The following TATDN2 variants were observed in gnomAD, a reference collection of about 807,000 sequenced individuals.
The protein encoded by TATDN2 is 3'-5' RNA nuclease TATDN2.
A neutral mutation model predicts 60.3 loss-of-function variants in TATDN2; 44 were observed. The observed-to-expected ratio is 0.73, with a 90% CI of 0.57 to 0.94. The LOEUF is 0.94. Ranked by LOEUF, TATDN2 falls within the 40% of genes least tolerant of loss-of-function variation. The pLI, the probability that TATDN2 is intolerant of heterozygous loss-of-function variation, is 0.00. For synonymous variants in TATDN2, 399 were observed against 355.8 expected (o/e 1.12, Z -1.37); for missense variants, 997 against 948.0 (o/e 1.05, Z -0.68).
intron 3 of TATDN2, among the ~76,000 whole-genome samples, chr3:10,266,839 A>T (rs78426822): frequency 0.15 from 23,430 of 152,048 alleles, 2,486 homozygotes; most frequent in East Asian, 0.54. Flanking sequence ...CTGAATTCAT[A>T]CGTGATTACT....
rs1021665733 is a variant in TATDN2, at chr3:10,249,370, C to G, written c.170C>G (p.Ala57Gly). 6.2e-7 allele frequency: 1 copy of G among 1,613,052 alleles called. No individual in the cohort carries two copies. Among genetic ancestry groups the G allele is most frequent in the South Asian group, 1.1e-5 (1 of 90,936 alleles). The change falls in exon 2 of 8, where the codon GCC (alanine) becomes GGC (glycine). Residue 57 changes from alanine to glycine, a missense_variant. Physicochemically the swap from Ala to Gly is moderately conservative, Grantham distance 60 (BLOSUM62 0). Transcript: ENST00000448281. ...GGPSSPKRLK[A>G]QKEDDVACSR... ...CCCAGCAGCCCCAAGCGCCTGAAAG[C>G]CCAGAAGGAGGACGATGTGGCTTGC...
At chr3:10,264,060 C>T (rs1451140085) in intron 3 of TATDN2, among the ~76,000 whole-genome samples, 2 of 152,098 alleles carry the variant, frequency 1.3e-5, no homozygotes, top group South Asian at 2.1e-4. Context: ...GTACCAGTGC[C>T]CTCCACTGAG....
At chr3:10,255,121 T>G (rs1482243712) in intron 2 of TATDN2, among the ~76,000 whole-genome samples, 3 of 148,938 alleles carry the variant, frequency 2.0e-5, no homozygotes, top group Admixed American at 6.7e-5. Context: ...GTGATCTTCC[T>G]GCCTCAGCCT....
At chr3:10,249,111 C>A in intron 1 of TATDN2, 44 bp downstream of exon 1, 1 of 1,463,004 alleles carries the variant, frequency 6.8e-7, no homozygotes, top group Non-Finnish European at 9.0e-7. Flanking sequence ...GTCTTGCCGT[C>A]CTCCTGGGCC....
intron 2 of TATDN2, among the ~76,000 whole-genome samples, chr3:10,256,318 T>A (rs1698307709): frequency 6.6e-6 from 1 of 151,986 alleles, no homozygotes; most frequent in Admixed American, 6.6e-5. Flanking sequence ...GGACTACAGG[T>A]GTGGGTCACT....
intron 3 of TATDN2, among the ~76,000 whole-genome samples, chr3:10,269,165 C>G (rs1224674314): frequency 6.6e-6 from 1 of 152,208 alleles, no homozygotes; most frequent in Admixed American, 6.5e-5. Context: ...TGTGGCCTCT[C>G]TAGCAGGATG....
chr3:10,258,548 G>A (rs1698349856), intron 2 of TATDN2, among the ~76,000 whole-genome samples: 1 of 151,132 alleles, frequency 6.6e-6, no homozygotes, highest in Non-Finnish European at 1.5e-5. Context: ...TTGCCTCACT[G>A]CAACCTCTGC....
Position 10,279,017 on chromosome 3 carries a change from A to G in TATDN2, c.2278A>G (p.Ser760Gly), listed in dbSNP as rs781720460. 5 of 1,614,088 alleles carry G rather than the reference A, an allele frequency of 3.1e-6. No individual in the cohort carries two copies. In the African/African-American group the frequency reaches 4.0e-5, roughly 13 times the overall value. ...GCGTGAGAACACCAGTCGCCTCTAC[A>G]GTCTTTAAGCAGAGAAGGTACAGTC... The part of the protein sequence containing the change: ...ALRENTSRLY[S>G]L The change falls in exon 7 of 8, where the codon AGT (serine) becomes GGT (glycine). Residue 760 changes from serine (S) to glycine (G), a missense_variant. Physicochemically the swap from Ser to Gly is moderately conservative, Grantham distance 56. Coordinates refer to ENST00000448281, the MANE Select transcript of TATDN2 (RefSeq NM_014760.4).
Position 10,278,062 on chromosome 3 carries a change from G to C in TATDN2, c.1962-217G>C, listed in dbSNP as rs567597846. 3.9e-5 allele frequency among the ~76,000 whole-genome samples: 6 copies of C among 152,126 alleles called. No homozygotes were observed. Among genetic ancestry groups the C allele is most frequent in the Admixed American group, 2.6e-4 (4 of 15,278 alleles). On this transcript the variant is annotated intron_variant, in intron 5 of 7. Transcript: ENST00000448281. The surrounding 1 kb of genome is among the most constrained non-coding windows in gnomAD (Gnocchi z 4.7). ...GACTGCAGAGCACTCTGTGGTGTGC[G>C]TGGTATCTCTGAGTGATCTCTGATC...
chr3:10,266,374 A>G (rs950610538), intron 3 of TATDN2, among the ~76,000 whole-genome samples: 1 of 152,174 alleles, frequency 6.6e-6, no homozygotes, highest in Non-Finnish European at 1.5e-5. Flanking sequence ...TCTATTTATG[A>G]GACTGGACGA....
At chr3:10,259,602 A>G (rs1413143707) in intron 2 of TATDN2, among the ~76,000 whole-genome samples, 2 of 152,186 alleles carry the variant, frequency 1.3e-5, no homozygotes, top group Non-Finnish European at 2.9e-5. Flanking sequence ...AAACTGAGGT[A>G]TTTTCCAAAA....
At chr3:10,256,189 C>T (rs1460947383) in intron 2 of TATDN2, among the ~76,000 whole-genome samples, 1 of 151,782 alleles carries the variant, frequency 6.6e-6, no homozygotes, top group African/African-American at 2.4e-5. Context: ...TTTGAGACAG[C>T]GTCTCCAAAA....
rs571280076 is a variant in TATDN2 at position 10,256,206 on chromosome 3, A to G, written c.415-3931A>G. Reference sequence around the variant, plus strand: ...TGAGACAGCGTCTCCAAAAGTTTGGAGCGTCTCCACAGGCTGGAGTGCAGT... The same window carrying G: ...TGAGACAGCGTCTCCAAAAGTTTGGGGCGTCTCCACAGGCTGGAGTGCAGT... On this transcript the variant is annotated intron_variant, in intron 2 of 7. Coordinates refer to ENST00000448281, the MANE Select transcript of TATDN2 (RefSeq NM_014760.4). Among the ~76,000 whole-genome samples the G allele has an allele frequency of 5.4e-4, 82 of 151,516 alleles. 1 individual carries two copies. Among genetic ancestry groups the G allele is most frequent in the Non-Finnish European group, 9.1e-4 (62 of 67,894 alleles).
chr3:10,277,082 T>C (rs543988249), intron 5 of TATDN2, among the ~76,000 whole-genome samples: 2 of 152,248 alleles, frequency 1.3e-5, no homozygotes, highest in East Asian at 3.9e-4. Context: ...GTTTCAGTTC[T>C]CAGCAGTGAG....
At chr3:10,262,527 C>CTTTTTTTTTTTTTTTTTTTTTT (rs60747520) in intron 3 of TATDN2, among the ~76,000 whole-genome samples, 1 of 59,976 alleles carries the variant, frequency 1.7e-5, no homozygotes, top group Non-Finnish European at 2.9e-5. Flanking sequence ...TTCTTCTGGG[C>CTTTTTTTTTTTTTTTTTTTTTT]TTTTTTTTTT....
At position 10,278,514 on chromosome 3, in the gene TATDN2, G is replaced by A; in HGVS notation, c.2145+52G>A. The A allele has an allele frequency of 6.9e-6, 11 of 1,595,874 alleles. No homozygotes were observed. The highest frequency in any genetic ancestry group is 1.7e-4 in the Middle Eastern group (1 of 6,006). On this transcript the variant is annotated intron_variant, in intron 6 of 7. Transcript: ENST00000448281. This position sits in a 1 kb window ranked among gnomAD's most constrained non-coding sequence, Gnocchi z 4.7. ...GGCACCGGAGGGAGAGGGTGGGGAGGTGGGTGGTCACCCTTACAAGGTTGG... is the reference window on the plus strand; with the variant it reads ...GGCACCGGAGGGAGAGGGTGGGGAGATGGGTGGTCACCCTTACAAGGTTGG...
At position 10,248,535 on chromosome 3, in the gene TATDN2, G is replaced by C. The variant is rs1698166526; in HGVS notation, c.-539G>C. ...CGGAGGCCGGAGTGGTCGCAGTTCGGGCGGAGGCCGGGCCAGGCGGGGCTG... is the reference window on the plus strand; with the variant it reads ...CGGAGGCCGGAGTGGTCGCAGTTCGCGCGGAGGCCGGGCCAGGCGGGGCTG... On this transcript the variant is annotated 5_prime_UTR_variant, in exon 1 of 8. Coordinates refer to ENST00000448281, the MANE Select transcript of TATDN2 (RefSeq NM_014760.4). The C allele has an allele frequency of 6.6e-6, 1 of 152,090 alleles. No homozygotes were observed. Among genetic ancestry groups the C allele is most frequent in the Admixed American group, 6.6e-5 (1 of 15,258 alleles). 9.4% of individuals were successfully genotyped at this position (152,090 alleles called of 1,614,324 possible). A position where few individuals can be genotyped will look rare whatever the true frequency, so the allele number is the denominator to read the frequency against.
chr3:10,255,684 G>T (rs372237405), intron 2 of TATDN2, among the ~76,000 whole-genome samples: 1 of 152,140 alleles, frequency 6.6e-6, no homozygotes, highest in South Asian at 2.1e-4. Flanking sequence ...GCTCATGCCT[G>T]TAATCCCAGC....
At chr3:10,250,168 G>GTTTTT (rs34201858) in intron 2 of TATDN2, among the ~76,000 whole-genome samples, 1 of 138,126 alleles carries the variant, frequency 7.2e-6, no homozygotes, top group Non-Finnish European at 1.6e-5. Flanking sequence ...GGTGGTGCTA[G>GTTTTT]TTTTTTTTTT....
Sources: gnomAD v4.1 joint callset for allele counts (sites outside exome capture counted in the v4.1 genomes callset) on GRCh38, gnomAD v4.1.1 for gene constraint, Gnocchi (gnomAD v3.1) non-coding constraint, MANE v1.5 for transcripts, NCBI Gene and HGNC (gene_info 2026-07-23, HGNC 2026-07-21) for gene names.